Variants in CDH7 observed in about 807,000 individuals in gnomAD.
CDH7 encodes the protein cadherin 7, also known as cadherin-7.
In CDH7, 25 loss-of-function variants were observed where a neutral mutation model predicts 71.8. That is an observed-to-expected ratio of 0.35 (90% CI 0.25 to 0.49). CDH7 has a LOEUF of 0.49. Ranked by LOEUF, CDH7 falls within the 20% of genes least tolerant of loss-of-function variation. CDH7 has a pLI of 0.99. For missense variants in CDH7, 862 were observed against 974.6 expected, an observed-to-expected ratio of 0.88 and a Z score of 1.54; for synonymous variants, 381 against 363.8, an observed-to-expected ratio of 1.05 and a Z score of -0.54.
At chr18:65,808,903 C>T (rs189712474) in intron 2 of CDH7, among the ~76,000 whole-genome samples, 32 of 152,148 alleles carry the variant, frequency 2.1e-4, no homozygotes, top group Middle Eastern at 3.4e-3. Context: ...TGTGTAATTA[C>T]GTGTGAGTTT....
Position 65,880,561 on chromosome 18 carries a change from C to T in CDH7, c.2025C>T (p.Asn675=), listed in dbSNP as rs763274442. ...ACATGGCTGCACTGAGAAACCTCAA[C>T]GTCATCCGAGACACCAAGACCCGGA... The part of the protein sequence containing the change: ...AFDMAALRNL[N]VIRDTKTRRD... Residue 675 remains asparagine (N), a synonymous_variant, in exon 12 of 12, where the codon AAC becomes AAT. Coordinates refer to ENST00000397968, the MANE Select transcript of CDH7 (RefSeq NM_004361.5). 1.6e-5 allele frequency: 26 copies of T among 1,613,822 alleles called. 1 individual carries two copies. The South Asian group carries it at 2.4e-4, about 15-fold the overall frequency.
intron 4 of CDH7, 60 bp downstream of exon 4, chr18:65,814,664 T>C: frequency 6.8e-7 from 1 of 1,470,558 alleles, no homozygotes; most frequent in Non-Finnish European, 9.3e-7. Flanking sequence ...TTAGAATTAA[T>C]ATTATTTCTA....
chr18:65,842,951 C>T (rs1001391058), intron 6 of CDH7, among the ~76,000 whole-genome samples: 3 of 151,450 alleles, frequency 2.0e-5, no homozygotes, highest in African/African-American at 7.3e-5. Context: ...AATTGAAAGT[C>T]ATAAAAAGCT....
Position 65,855,270 on chromosome 18 carries a change from T to C in CDH7, c.1236-2546T>C, listed in dbSNP as rs187934348. On this transcript the variant is annotated intron_variant, in intron 7 of 11. Coordinates refer to ENST00000397968, the MANE Select transcript of CDH7 (RefSeq NM_004361.5). ...ATAAATCAATGCATTTCAAAACAAA[T>C]TTTACAGAAATCAATAGAATTAAAA... Among the ~76,000 whole-genome samples, 145 of 151,620 alleles carry C rather than the reference T, an allele frequency of 9.6e-4. 1 individual carries two copies. The highest frequency in any genetic ancestry group is 3.4e-3 in the African/African-American group (141 of 41,396).
intron 4 of CDH7, among the ~76,000 whole-genome samples, chr18:65,814,977 AT>A (rs1209429903): frequency 2.2e-4 from 34 of 152,292 alleles, no homozygotes; most frequent in African/African-American, 8.2e-4. Flanking sequence ...CCTCTCTGCC[AT>A]GTAATATAAT....
intron 4 of CDH7, among the ~76,000 whole-genome samples, chr18:65,815,049 A>C (rs1214946233): frequency 6.6e-6 from 1 of 152,216 alleles, no homozygotes; most frequent in Admixed American, 6.5e-5. Flanking sequence ...TAGTTGAAAC[A>C]TAACAATTAG....
chr18:65,808,576 G>C (rs563465929), intron 2 of CDH7, among the ~76,000 whole-genome samples: 2 of 152,302 alleles, frequency 1.3e-5, no homozygotes, highest in Admixed American at 1.3e-4. Flanking sequence ...GGCCGTTACA[G>C]TGCAGGGAAA....
At chr18:65,766,664 A>C (rs1453542572) in intron 2 of CDH7, among the ~76,000 whole-genome samples, 1 of 152,012 alleles carries the variant, frequency 6.6e-6, no homozygotes, top group Non-Finnish European at 1.5e-5. Flanking sequence ...TGTATGTTTT[A>C]ATTACCATCA....
intron 7 of CDH7, among the ~76,000 whole-genome samples, chr18:65,853,515 C>T (rs553770458): frequency 6.6e-6 from 1 of 151,910 alleles, no homozygotes; most frequent in African/African-American, 2.4e-5. Context: ...TATACATTAG[C>T]TAATGCTTTA....
chr18:65,765,058 G>T (rs891884587), intron 2 of CDH7, among the ~76,000 whole-genome samples: 1 of 152,122 alleles, frequency 6.6e-6, no homozygotes, highest in African/African-American at 2.4e-5. Flanking sequence ...AATCAAAGAA[G>T]GTCACTTATA....
chr18:65,788,862 A>G (rs1477029827), intron 2 of CDH7, among the ~76,000 whole-genome samples: 1 of 152,206 alleles, frequency 6.6e-6, no homozygotes, highest in African/African-American at 2.4e-5. Context: ...GATTTGACCT[A>G]TAGCTAACAC....
chr18:65,826,588 A>G (rs910712197), intron 6 of CDH7, among the ~76,000 whole-genome samples: 2 of 129,698 alleles, frequency 1.5e-5, no homozygotes, highest in Non-Finnish European at 3.3e-5. Flanking sequence ...TTGTATTTAT[A>G]CAGAATAACA....
chr18:65,763,869 C>A (rs1212573995), intron 2 of CDH7, among the ~76,000 whole-genome samples: 1 of 151,910 alleles, frequency 6.6e-6, no homozygotes, highest in Non-Finnish European at 1.5e-5. Flanking sequence ...CTTCTCTCTG[C>A]CATTTGGCAT....
rs1031335386 is a variant in CDH7 at position 65,882,124 on chromosome 18, A to C, written c.*1230A>C. 1.9e-4 allele frequency: 29 copies of C among 152,152 alleles called. No homozygotes were observed. Among genetic ancestry groups the C allele is most frequent in the African/African-American group, 6.3e-4 (26 of 41,448 alleles). 9.4% of individuals were successfully genotyped at this position (152,152 alleles called of 1,614,324 possible). Reference sequence around the variant, plus strand: ...TTAAAAGTCTTAATATAATGTTATAAAAATTAAAATCCATCTTTAAATTCT... The same window carrying C: ...TTAAAAGTCTTAATATAATGTTATACAAATTAAAATCCATCTTTAAATTCT... On this transcript the variant is annotated 3_prime_UTR_variant, in exon 12 of 12. Transcript: ENST00000397968.
Position 65,826,199 on chromosome 18 carries a change from T to A in CDH7, c.981+1368T>A, listed in dbSNP as rs536196255. Among the ~76,000 whole-genome samples the A allele has an allele frequency of 4.0e-5, 6 of 151,242 alleles. No homozygotes were observed. In the East Asian group the frequency reaches 1.2e-3, roughly 29 times the overall value. On this transcript the variant is annotated intron_variant, in intron 6 of 11. Transcript: ENST00000397968. ...TTAAAAATTATGTCATCTAAAAGCATAAAACTCATTAAAAAATTGCAAGGA... is the reference window on the plus strand; with the variant it reads ...TTAAAAATTATGTCATCTAAAAGCAAAAAACTCATTAAAAAATTGCAAGGA...
At chr18:65,789,207 A>G (rs1910618890) in intron 2 of CDH7, among the ~76,000 whole-genome samples, 1 of 152,194 alleles carries the variant, frequency 6.6e-6, no homozygotes, top group Non-Finnish European at 1.5e-5. Context: ...AGCCTGGGAC[A>G]TCAGGCAGGT....
At chr18:65,774,986 G>A (rs953397196) in intron 2 of CDH7, among the ~76,000 whole-genome samples, 2 of 152,148 alleles carry the variant, frequency 1.3e-5, no homozygotes, top group Non-Finnish European at 2.9e-5. Flanking sequence ...ATTTCAGTTT[G>A]TTTCCTGATA....
chr18:65,819,731 T>C (rs1412608956), intron 4 of CDH7, among the ~76,000 whole-genome samples: 1 of 152,016 alleles, frequency 6.6e-6, no homozygotes, highest in East Asian at 2.0e-4. Flanking sequence ...TTTTGCAATA[T>C]TGAGATTCCC....
At chr18:65,860,151 A>G (rs1434378738) in intron 10 of CDH7, among the ~76,000 whole-genome samples, 1 of 152,174 alleles carries the variant, frequency 6.6e-6, no homozygotes, top group Non-Finnish European at 1.5e-5. Context: ...ATACCCTAAT[A>G]AGTACTATGC....
Sources: allele counts gnomAD v4.1 joint callset (sites outside exome capture counted in the v4.1 genomes callset), GRCh38; gene constraint gnomAD v4.1.1; transcripts MANE v1.5; gene names NCBI Gene and HGNC (gene_info 2026-07-23, HGNC 2026-07-21).